The following TRPV3 variants were observed in gnomAD, a reference collection of about 807,000 sequenced individuals.
TRPV3 encodes VRL-3.
A neutral mutation model predicts 87.1 loss-of-function variants in TRPV3; 88 were observed. The observed-to-expected ratio is 1.01, with a 90% CI of 0.85 to 1.21. TRPV3 has a LOEUF of 1.21. Ranked by LOEUF, TRPV3 falls within the 50% of genes most tolerant of loss-of-function variation. The pLI is 0.00. For missense variants in TRPV3, 1,054 were observed against 1,030.1 expected, an observed-to-expected ratio of 1.02 and a Z score of -0.32; for synonymous variants, 438 against 423.3, an observed-to-expected ratio of 1.03 and a Z score of -0.43.
intron 11 of TRPV3, 161 bp downstream of exon 11, chr17:3,527,864 G>C: frequency 1.6e-6 from 1 of 631,028 alleles, no homozygotes; most frequent in Non-Finnish European, 2.8e-6. Context: ...GGATAGGCCA[G>C]CCTTATCCAT....
chr17:3,552,763 A>G (rs1006611850), intron 2 of TRPV3: 2 of 152,356 alleles, frequency 1.3e-5, no homozygotes, highest in South Asian at 4.1e-4. Context: ...GATTTTCCCA[A>G]AACTCTATCC....
chr17:3,528,466 G>A lies in TRPV3; in HGVS notation c.1402-340C>T, dbSNP rs1034084145. Among the ~76,000 whole-genome samples, 7 of 152,124 alleles carry A rather than the reference G, an allele frequency of 4.6e-5. No homozygotes were observed. Among genetic ancestry groups the A allele is most frequent in the South Asian group, 2.1e-4 (1 of 4,820 alleles). The stretch of plus-strand genomic sequence containing the variant: ...ATAAAGCCGAGGCTCTGTGCCCCAC[G>A]TGACGCATGGGAAACCGAAGCCCAG... On this transcript the variant is annotated intron_variant, in intron 10 of 17. Coordinates refer to ENST00000576742, the MANE Select transcript of TRPV3 (RefSeq NM_145068.4). The surrounding 1 kb of genome is among the most constrained non-coding windows in gnomAD (Gnocchi z 4.2).
intron 8 of TRPV3, among the ~76,000 whole-genome samples, chr17:3,532,377 G>A (rs938271450): frequency 6.6e-6 from 1 of 152,244 alleles, no homozygotes; most frequent in African/African-American, 2.4e-5. Context: ...CTCAGCCTCA[G>A]GCTCCCCCAG....
chr17:3,543,651 A>G (rs1416896383), intron 4 of TRPV3, 23 bp from the exon 5 acceptor site: 1 of 1,612,534 alleles, frequency 6.2e-7, no homozygotes, highest in African/African-American at 1.3e-5. Flanking sequence ...AATGTTTCCA[A>G]CTCAACACAC....
At chr17:3,540,092 T>TAAATAAATAAATAAATAAATAAAC (rs1555545584) in intron 6 of TRPV3, among the ~76,000 whole-genome samples, 6 of 150,756 alleles carry the variant, frequency 4.0e-5, no homozygotes, top group African/African-American at 1.2e-4. Context: ...AATAAATAAA[T>TAAATAAATAAATAAATAAATAAAC]AAACAAAGTC....
At position 3,513,753 on chromosome 17, in the gene TRPV3, C is replaced by A; in HGVS notation, c.*164G>T. On this transcript the variant is annotated 3_prime_UTR_variant, in exon 18 of 18. Coordinates refer to ENST00000576742, the MANE Select transcript of TRPV3 (RefSeq NM_145068.4). ...TCCCACTCAGACAAATTGACAACTG[C>A]CCCTCAGTTCAGACACCCACTGAGC... is the stretch of plus-strand genomic sequence containing the variant. 1 of 544,260 alleles carries A rather than the reference C, an allele frequency of 1.8e-6. No individual in the cohort carries two copies. Among genetic ancestry groups the A allele is most frequent in the Non-Finnish European group, 3.3e-6 (1 of 307,558 alleles). The allele number at this position is 544,260 out of a possible 1,614,324, so 33.7% of individuals were successfully genotyped here.
At chr17:3,531,845 C>A (rs905563) in intron 8 of TRPV3, among the ~76,000 whole-genome samples, 23,138 of 152,176 alleles carry the variant, frequency 0.15, 2,344 homozygotes, top group East Asian at 0.46. Context: ...TGGGTCCCAG[C>A]CCTGACCACT....
At chr17:3,520,278 A>AT (rs745335474) in intron 14 of TRPV3, among the ~76,000 whole-genome samples, 3 of 152,092 alleles carry the variant, frequency 2.0e-5, no homozygotes, top group Non-Finnish European at 4.4e-5. Flanking sequence ...AAATGGAGAG[A>AT]TTTTAAGAGG....
In TRPV3 at chr17:3,528,710, AC is replaced by A. The variant is rs1434481879; in HGVS notation, c.1401+126del. Reference sequence around the variant, plus strand: ...TTCAGTTCCCTGGGAAGCGTGAAGGACAACTGGGGGACCCCGCCCAATCTCC... The same window carrying A: ...TTCAGTTCCCTGGGAAGCGTGAAGGAAACTGGGGGACCCCGCCCAATCTCC... On this transcript the variant is annotated intron_variant, in intron 10 of 17. Coordinates refer to ENST00000576742, the MANE Select transcript of TRPV3 (RefSeq NM_145068.4). This position sits in a 1 kb window ranked among gnomAD's most constrained non-coding sequence, Gnocchi z 4.2. 1 of 1,129,186 alleles carries A rather than the reference AC, an allele frequency of 8.9e-7. No individual in the cohort carries two copies. Among genetic ancestry groups the A allele is most frequent in the Non-Finnish European group, 1.2e-6 (1 of 802,528 alleles). 69.9% of individuals were successfully genotyped at this position (1,129,186 alleles called of 1,614,324 possible). A position where few individuals can be genotyped will look rare whatever the true frequency, so the allele number is the denominator to read the frequency against.
chr17:3,556,048 AT>A lies in TRPV3; in HGVS notation c.-2-1197del, dbSNP rs2074628030. On this transcript the variant is annotated intron_variant, in intron 1 of 17. Transcript: ENST00000576742. The surrounding 1 kb of genome is among the most constrained non-coding windows in gnomAD (Gnocchi z 4.2). ...AAAAATTAGCCGGGCATGGTGGTAC[AT>A]GCCTGTAGTCCCAGCTAGTCGGGAG... 2.0e-5 allele frequency among the ~76,000 whole-genome samples: 3 copies of A among 151,814 alleles called. No individual in the cohort carries two copies. Among genetic ancestry groups the A allele is most frequent in the Non-Finnish European group, 4.4e-5 (3 of 67,926 alleles).
At chr17:3,535,151 T>G (rs974533434) in intron 7 of TRPV3, among the ~76,000 whole-genome samples, 1 of 129,634 alleles carries the variant, frequency 7.7e-6, no homozygotes, top group African/African-American at 2.9e-5. Flanking sequence ...CCTCCTTCCT[T>G]CCTTTCTCTC....
Position 3,542,634 on chromosome 17 carries a change from T to G in TRPV3, c.531A>C (p.Leu177Phe), listed in dbSNP as rs2074477224. ...TGKTCLMKAL[L>F]NINPNTKEIV... ...TCTCCTTGGTGTTGGGGTTGATGTT[T>G]AACAAGGCCTTCATCAGGCAGGTCT... Residue 177 changes from leucine to phenylalanine, a missense_variant, in exon 6 of 18, where the codon TTA (leucine) becomes TTC (phenylalanine). Physicochemically the swap from Leu to Phe is conservative, Grantham distance 22. Coordinates refer to ENST00000576742, the MANE Select transcript of TRPV3 (RefSeq NM_145068.4). 6 of 1,613,990 alleles carry G rather than the reference T, an allele frequency of 3.7e-6. No homozygotes were observed. Among genetic ancestry groups the G allele is most frequent in the Non-Finnish European group, 5.1e-6 (6 of 1,179,930 alleles).
At position 3,556,125 on chromosome 17, in the gene TRPV3, C is replaced by T. The variant is rs973213446; in HGVS notation, c.-2-1273G>A. On this transcript the variant is annotated intron_variant, in intron 1 of 17. Coordinates refer to ENST00000576742, the MANE Select transcript of TRPV3 (RefSeq NM_145068.4). The surrounding 1 kb of genome is among the most constrained non-coding windows in gnomAD (Gnocchi z 4.2). ...CCAGGAGGCAGAGGTTGGATTGAGC[C>T]GAGATTGTGCCACTGCACTCCAGCC... Among the ~76,000 whole-genome samples, 7 of 149,938 alleles carry T rather than the reference C, an allele frequency of 4.7e-5. No individual in the cohort carries two copies. Among genetic ancestry groups the T allele is most frequent in the Admixed American group, 4.0e-4 (6 of 14,912 alleles).
At chr17:3,545,941 G>A (rs2074519880) in intron 2 of TRPV3, among the ~76,000 whole-genome samples, 1 of 147,940 alleles carries the variant, frequency 6.8e-6, no homozygotes, top group Non-Finnish European at 1.5e-5. Context: ...AGTGAGCCGA[G>A]ACCGCGCCAC....
At chr17:3,526,101 G>C (rs567502777) in intron 12 of TRPV3, among the ~76,000 whole-genome samples, 1 of 152,108 alleles carries the variant, frequency 6.6e-6, no homozygotes, top group Non-Finnish European at 1.5e-5. Flanking sequence ...ACACAGGCAC[G>C]ATTGTAAGAA....
chr17:3,542,784 G>C, intron 5 of TRPV3, 86 bp from the exon 6 acceptor site: 1 of 1,428,680 alleles, frequency 7.0e-7, no homozygotes, highest in Non-Finnish European at 9.5e-7. Flanking sequence ...TGCTGCAGCC[G>C]CAGACCCCAA....
At chr17:3,546,980 C>A (rs1427771194) in intron 2 of TRPV3, among the ~76,000 whole-genome samples, 8 of 84,016 alleles carry the variant, frequency 9.5e-5, no homozygotes, top group African/African-American at 2.6e-4. Flanking sequence ...AAAAAAAAAA[C>A]TGGGTCTGGG....
At chr17:3,516,632 C>T (rs1482766680) in intron 15 of TRPV3, 63 bp from the exon 16 acceptor site, 6 of 1,238,412 alleles carry the variant, frequency 4.8e-6, no homozygotes, top group South Asian at 1.2e-5. Context: ...CAAGGGCACA[C>T]ACACTGTCGG....
At chr17:3,538,871 C>T (rs1224349849) in intron 6 of TRPV3, among the ~76,000 whole-genome samples, 1 of 152,238 alleles carries the variant, frequency 6.6e-6, no homozygotes, top group African/African-American at 2.4e-5. Flanking sequence ...AGGCATGAGC[C>T]ACTGCGCCTG....
Sources: allele counts gnomAD v4.1 joint callset (sites outside exome capture counted in the v4.1 genomes callset), GRCh38; gene constraint gnomAD v4.1.1; non-coding constraint Gnocchi (gnomAD v3.1); transcripts MANE v1.5; gene names NCBI Gene and HGNC (gene_info 2026-07-23, HGNC 2026-07-21).